The following CCDC110 variants were observed in gnomAD, a reference collection of about 807,000 sequenced individuals.
The protein encoded by CCDC110 is coiled-coil domain-containing protein 110.
A neutral mutation model predicts 77.1 loss-of-function variants in CCDC110; 70 were observed. The ratio of observed to expected loss-of-function variants is 0.91; its 90% CI spans 0.75 to 1.11. The LOEUF is 1.11. CCDC110 is among the 50% of genes least tolerant of loss of function. The pLI is 0.00. For missense variants in CCDC110, 868 were observed against 942.9 expected (o/e 0.92, Z 1.04); for synonymous variants, 295 against 312.5 (o/e 0.94, Z 0.59).
At position 185,458,965 on chromosome 4, in the gene CCDC110, T is replaced by C; in HGVS notation, c.1622A>G (p.Glu541Gly). Residue 541 changes from glutamate to glycine, a missense_variant, in exon 6 of 7, where the codon GAA becomes GGA. Transcript: ENST00000307588. The part of the protein sequence containing the change: ...QLSLEKQQMM[E>G]ALDQLKSKEH... ...CTTACTTTTTAGTTGATCTAATGCT[T>C]CCATCATTTGTTGCTTCTCTAAAGA... 6.2e-7 allele frequency: 1 copy of C among 1,607,062 alleles called. No homozygotes were observed. The highest frequency in any genetic ancestry group is 1.1e-5 in the South Asian group (1 of 89,808).
chr4:185,468,154 C>A lies in CCDC110; in HGVS notation c.115+2791G>T, dbSNP rs937798951. On this transcript the variant is annotated intron_variant, in intron 2 of 6. Transcript: ENST00000307588. This position sits in a 1 kb window ranked among gnomAD's most constrained non-coding sequence, Gnocchi z 4.5. ...TTACAAAGCTTTGTGAGGTGTGGCA[C>A]CCTCTGCATGAGGCTTTGTCACAGT... Among the ~76,000 whole-genome samples the A allele has an allele frequency of 6.6e-6, 1 of 152,206 alleles. No homozygotes were observed. Among genetic ancestry groups the A allele is most frequent in the African/African-American group, 2.4e-5 (1 of 41,446 alleles).
chr4:185,469,967 C>G (rs952628268), intron 2 of CCDC110, among the ~76,000 whole-genome samples: 1 of 152,188 alleles, frequency 6.6e-6, no homozygotes, highest in Non-Finnish European at 1.5e-5. Context: ...TCTCCTGCCC[C>G]GTGCTCTGCT....
At chr4:185,469,790 C>G (rs2153325617) in intron 2 of CCDC110, among the ~76,000 whole-genome samples, 1 of 152,346 alleles carries the variant, frequency 6.6e-6, no homozygotes, top group South Asian at 2.1e-4. Flanking sequence ...CTAGTCTCTT[C>G]TTTCCGGGCC....
chr4:185,462,751 G>A (rs1050999485), intron 3 of CCDC110, 43 bp from the exon 4 acceptor site: 2 of 1,484,490 alleles, frequency 1.3e-6, no homozygotes, highest in Non-Finnish European at 1.9e-6. Flanking sequence ...TTTTAGGTAG[G>A]TAAACGTATT....
At chr4:185,447,714 T>C (rs2095618158) in intron 6 of CCDC110, among the ~76,000 whole-genome samples, 1 of 152,198 alleles carries the variant, frequency 6.6e-6, no homozygotes, top group Admixed American at 6.5e-5. Flanking sequence ...TTCAGTAATA[T>C]AGTATCACTG....
chr4:185,458,070 C>A, intron 6 of CCDC110, 56 bp downstream of exon 6: 1 of 1,206,984 alleles, frequency 8.3e-7, no homozygotes, highest in Non-Finnish European at 1.1e-6. Flanking sequence ...CTGTAGTGCC[C>A]AATAGGCTAA....
chr4:185,450,455 A>G (rs1434076849), intron 6 of CCDC110, among the ~76,000 whole-genome samples: 1 of 152,218 alleles, frequency 6.6e-6, no homozygotes, highest in Admixed American at 6.5e-5. Flanking sequence ...TCTTTTAAAA[A>G]TATCTGCTCT....
chr4:185,451,938 T>C (rs2095629844), intron 6 of CCDC110, among the ~76,000 whole-genome samples: 1 of 152,222 alleles, frequency 6.6e-6, no homozygotes, highest in African/African-American at 2.4e-5. Context: ...ACAGACCTTA[T>C]CTGGATTTTA....
Position 185,459,188 on chromosome 4 carries a change from G to A in CCDC110, c.1399C>T (p.Gln467Ter). Residue 467 changes from glutamine to a stop codon, truncating the protein, a stop_gained, in exon 6 of 7, where the codon CAA becomes TAA. Coordinates refer to ENST00000307588, the MANE Select transcript of CCDC110 (RefSeq NM_152775.4). LOFTEE classifies it high-confidence loss of function. Reference protein sequence around the residue: ...SKMKPLIFTTQSLIQKVETYE... With the variant: ...SKMKPLIFTT Reference sequence around the variant, plus strand: ...GTTTCAACTTTCTGTATGAGAGATTGTGTGGTAAAGATAAGAGGTTTCATT... The same window carrying A: ...GTTTCAACTTTCTGTATGAGAGATTATGTGGTAAAGATAAGAGGTTTCATT... 1 of 1,600,978 alleles carries A rather than the reference G, an allele frequency of 6.2e-7. No homozygotes were observed. The highest frequency in any genetic ancestry group is 8.5e-7 in the Non-Finnish European group (1 of 1,175,604).
intron 6 of CCDC110, among the ~76,000 whole-genome samples, chr4:185,447,251 G>C (rs1448052604): frequency 6.6e-6 from 1 of 151,200 alleles, no homozygotes; most frequent in Non-Finnish European, 1.5e-5. Context: ...GCACGATCTC[G>C]GCTCACTGCA....
Position 185,463,037 on chromosome 4 carries a change from A to G in CCDC110, c.128T>C (p.Ile43Thr), listed in dbSNP as rs748507598. 18 of 1,613,198 alleles carry G rather than the reference A, an allele frequency of 1.1e-5. No individual in the cohort carries two copies. The highest frequency in any genetic ancestry group is 1.5e-5 in the Non-Finnish European group (18 of 1,179,382). The change falls in exon 3 of 7, where the codon ATA becomes ACA. Residue 43 changes from isoleucine to threonine, a missense_variant. By Grantham distance (89) the Ile-to-Thr change is moderately conservative (BLOSUM62 -1). Transcript: ENST00000307588. ...TTGGATTTGATTTTCTGATTCTGCT[A>G]TGCAGCCATATTCTAAGAAGCAAAA... The part of the protein sequence containing the change: ...SGCSDTEYGC[I>T]AESENQIQPQ...
chr4:185,461,952 A>G lies in CCDC110; in HGVS notation c.237+691T>C, dbSNP rs185037532. On this transcript the variant is annotated intron_variant, in intron 4 of 6. Transcript: ENST00000307588. Reference sequence around the variant, plus strand: ...GTCTCTACTAAAAATACAAAAATTAACCAGGCATGGTGGTGGGCACCTGTA... The same window carrying G: ...GTCTCTACTAAAAATACAAAAATTAGCCAGGCATGGTGGTGGGCACCTGTA... 2.4e-4 allele frequency among the ~76,000 whole-genome samples: 36 copies of G among 152,144 alleles called. 1 individual carries two copies. Among genetic ancestry groups the G allele is most frequent in the Admixed American group, 2.0e-3 (31 of 15,286 alleles).
In CCDC110 at chr4:185,468,846, T is replaced by C. The variant is rs1383619551; in HGVS notation, c.115+2099A>G. ...ACACACAATAGCCTTTGTCTGTCTGTTCCCTCACTAGAAGGTAAGCTCCAT... is the reference window on the plus strand; with the variant it reads ...ACACACAATAGCCTTTGTCTGTCTGCTCCCTCACTAGAAGGTAAGCTCCAT... On this transcript the variant is annotated intron_variant, in intron 2 of 6. Transcript: ENST00000307588. This position sits in a 1 kb window ranked among gnomAD's most constrained non-coding sequence, Gnocchi z 4.5. 6.6e-6 allele frequency among the ~76,000 whole-genome samples: 1 copy of C among 152,220 alleles called. No homozygotes were observed. Among genetic ancestry groups the C allele is most frequent in the Non-Finnish European group, 1.5e-5 (1 of 68,032 alleles).
At position 185,461,125 on chromosome 4, in the gene CCDC110, C is replaced by T. The variant is rs1275630930; in HGVS notation, c.272G>A (p.Ser91Asn). The T allele has an allele frequency of 6.3e-7, 1 of 1,591,834 alleles. No individual in the cohort carries two copies. The highest frequency in any genetic ancestry group is 1.8e-5 in the Admixed American group (1 of 55,684). ...QSEISEILNK[S>N]IIEVENPQFS... ...TTGTGGGTTTTCTACTTCAATAATA[C>T]TTTTGTTCAATATTTCACTGATTTC... The change falls in exon 5 of 7, where the codon AGT becomes AAT. Residue 91 changes from serine (S) to asparagine (N), a missense_variant. By Grantham distance (46) the Ser-to-Asn change is conservative. Coordinates refer to ENST00000307588, the MANE Select transcript of CCDC110 (RefSeq NM_152775.4).
Position 185,468,445 on chromosome 4 carries a change from G to C in CCDC110, c.115+2500C>G, listed in dbSNP as rs76917666. 3.7e-3 allele frequency among the ~76,000 whole-genome samples: 556 copies of C among 152,300 alleles called. 1 individual carries two copies. The highest frequency in any genetic ancestry group is 0.012 in the African/African-American group (513 of 41,552). On this transcript the variant is annotated intron_variant, in intron 2 of 6. Transcript: ENST00000307588. This position sits in a 1 kb window ranked among gnomAD's most constrained non-coding sequence, Gnocchi z 4.5. ...AGAAGCCTTCTCAAAATTCTCCAGTGCTTCTCAATTTTCTCAGAATAAATC... is the reference window on the plus strand; with the variant it reads ...AGAAGCCTTCTCAAAATTCTCCAGTCCTTCTCAATTTTCTCAGAATAAATC...
At chr4:185,457,177 A>C (rs1459881837) in intron 6 of CCDC110, 1 of 447,654 alleles carries the variant, frequency 2.2e-6, no homozygotes, top group Admixed American at 2.4e-5. Context: ...ATAAATGTAG[A>C]AAAAGCTTTG....
Position 185,459,577 on chromosome 4 carries a change from C to T in CCDC110, c.1010G>A (p.Cys337Tyr), listed in dbSNP as rs907056284. ...CTTAGATAACTTTTTACATTTTCTA[C>T]AAAAATGCACATGGAATTTTGACAC... The part of the protein sequence containing the change: ...ETVSKFHVHF[C>Y]RKCKKLSKSE... Residue 337 changes from cysteine to tyrosine, a missense_variant, in exon 6 of 7, where the codon TGT becomes TAT. Physicochemically the swap from Cys to Tyr is radical, Grantham distance 194. Transcript: ENST00000307588. 6 of 1,612,706 alleles carry T rather than the reference C, an allele frequency of 3.7e-6. No homozygotes were observed. The highest frequency in any genetic ancestry group is 5.1e-6 in the Non-Finnish European group (6 of 1,179,242).
At chr4:185,455,984 C>T (rs1232501982) in intron 6 of CCDC110, among the ~76,000 whole-genome samples, 1 of 152,096 alleles carries the variant, frequency 6.6e-6, no homozygotes, top group Admixed American at 6.6e-5. Context: ...CTATCAGTAA[C>T]TGTTAGAACA....
rs747046746 is a variant in CCDC110 at position 185,459,587 on chromosome 4, C to G, written c.1000G>C (p.Val334Leu). The G allele has an allele frequency of 8.7e-6, 14 of 1,613,222 alleles. No homozygotes were observed. The highest frequency in any genetic ancestry group is 1.0e-5 in the Non-Finnish European group (12 of 1,179,660). ...PFRETVSKFH[V>L]HFCRKCKKLS... is the part of the protein sequence containing the mutation. Reference sequence around the variant, plus strand: ...TTTTTACATTTTCTACAAAAATGCACATGGAATTTTGACACAGTTTCCCTG... The same window carrying G: ...TTTTTACATTTTCTACAAAAATGCAGATGGAATTTTGACACAGTTTCCCTG... Residue 334 changes from valine to leucine, a missense_variant, in exon 6 of 7, where the codon GTG becomes CTG. Physicochemically the swap from Val to Leu is conservative, Grantham distance 32 (BLOSUM62 1). Coordinates refer to ENST00000307588, the MANE Select transcript of CCDC110 (RefSeq NM_152775.4).
Sources: gnomAD v4.1 joint callset for allele counts (sites outside exome capture counted in the v4.1 genomes callset) on GRCh38, gnomAD v4.1.1 for gene constraint, Gnocchi (gnomAD v3.1) non-coding constraint, MANE v1.5 for transcripts, NCBI Gene and HGNC (gene_info 2026-07-23, HGNC 2026-07-21) for gene names.